Variants in XKR6 observed in about 807,000 individuals in gnomAD.
XKR6 encodes XK related 6, also known as XK-related protein 6.
XKR6 carries 22 observed loss-of-function variants against 56.7 expected under a neutral mutation model. The observed-to-expected ratio is 0.39, with a 90% CI of 0.28 to 0.55. The LOEUF is 0.55. XKR6 is among the 20% of genes least tolerant of loss of function. The probability of loss-of-function intolerance (pLI) is 0.66; values close to 1 mark genes in which losing one functional copy is unlikely to be tolerated. For missense variants in XKR6, 852 were observed against 889.0 expected (o/e 0.96, Z 0.53); for synonymous variants, 524 against 387.8 (o/e 1.35, Z -4.13).
chr8:11,016,373 C>G (rs1191103207), intron 1 of XKR6, among the ~76,000 whole-genome samples: 1 of 152,128 alleles, frequency 6.6e-6, no homozygotes. Flanking sequence ...GGGGAGTGTG[C>G]GCCGCGGGGA....
chr8:10,933,271 G>C (rs1801116650), intron 1 of XKR6, among the ~76,000 whole-genome samples: 1 of 101,330 alleles, frequency 9.9e-6, no homozygotes, highest in East Asian at 2.0e-4. Flanking sequence ...AAATTTGTTT[G>C]AGTTCATTGT....
chr8:11,095,849 T>C (rs1399580635), intron 1 of XKR6, among the ~76,000 whole-genome samples: 1 of 152,220 alleles, frequency 6.6e-6, no homozygotes, highest in Non-Finnish European at 1.5e-5. Context: ...AATTCATGGT[T>C]GTATGTTCCT....
chr8:11,005,847 T>C (rs1467557333), intron 1 of XKR6, among the ~76,000 whole-genome samples: 31 of 146,886 alleles, frequency 2.1e-4, no homozygotes, highest in East Asian at 9.7e-4. Context: ...TCTTTCTTTT[T>C]TTTTTTTTTT....
intron 1 of XKR6, chr8:11,002,467 G>A (rs1259499932): frequency 5.0e-6 from 2 of 403,424 alleles, no homozygotes; most frequent in African/African-American, 2.1e-5. Context: ...CCAGGAGAAG[G>A]CAGGAGAAAA....
intron 1 of XKR6, among the ~76,000 whole-genome samples, chr8:10,973,230 T>A (rs1195745834): frequency 6.6e-6 from 1 of 152,232 alleles, no homozygotes; most frequent in Non-Finnish European, 1.5e-5. Context: ...AACCCATCAC[T>A]AATGGGTCAT....
intron 1 of XKR6, chr8:11,129,083 T>C (rs1167039694): frequency 2.5e-6 from 1 of 399,064 alleles, no homozygotes; most frequent in Admixed American, 3.1e-5. Context: ...ATCCATGTAA[T>C]CAAGAGCCCA....
chr8:11,010,373 G>C (rs1378719425), intron 1 of XKR6, among the ~76,000 whole-genome samples: 1 of 152,146 alleles, frequency 6.6e-6, no homozygotes, highest in African/African-American at 2.4e-5. Context: ...AATAGTAATA[G>C]TAAAAACTGG....
intron 1 of XKR6, among the ~76,000 whole-genome samples, chr8:11,047,297 A>G (rs1162195724): frequency 1.3e-5 from 2 of 152,204 alleles, no homozygotes; most frequent in East Asian, 3.8e-4. Flanking sequence ...ACACCTCAAT[A>G]AAGCTGGGAG....
intron 1 of XKR6, among the ~76,000 whole-genome samples, chr8:11,147,020 T>C (rs1388004336): frequency 2.0e-5 from 3 of 151,940 alleles, no homozygotes; most frequent in African/African-American, 7.3e-5. Flanking sequence ...AGCCTGAAGC[T>C]AACAATACTG....
intron 1 of XKR6, among the ~76,000 whole-genome samples, chr8:10,982,374 A>T (rs1797755533): frequency 1.3e-5 from 2 of 152,222 alleles, no homozygotes; most frequent in South Asian, 2.1e-4. Flanking sequence ...AGGATAATGC[A>T]TTCAAAAATG....
At position 11,163,362 on chromosome 8, in the gene XKR6, G is replaced by T. The variant is rs550548119; in HGVS notation, c.764+37214C>A. 1.2e-4 allele frequency among the ~76,000 whole-genome samples: 19 copies of T among 152,062 alleles called. No homozygotes were observed. The East Asian group carries it at 3.7e-3, about 29-fold the overall frequency. ...TGAGTTCTAACAAATGATTACTGTTGCAGGGAAAATGTGACTGGCACATCA... is the reference window on the plus strand; with the variant it reads ...TGAGTTCTAACAAATGATTACTGTTTCAGGGAAAATGTGACTGGCACATCA... On this transcript the variant is annotated intron_variant, in intron 1 of 2. Coordinates refer to ENST00000416569, the MANE Select transcript of XKR6 (RefSeq NM_173683.4).
At chr8:11,139,135 A>C (rs1800551783) in intron 1 of XKR6, among the ~76,000 whole-genome samples, 1 of 152,214 alleles carries the variant, frequency 6.6e-6, no homozygotes, top group African/African-American at 2.4e-5. Flanking sequence ...TTAACAGGCA[A>C]TTTTACTCTC....
At chr8:10,922,449 T>C (rs910426885) in intron 2 of XKR6, among the ~76,000 whole-genome samples, 13 of 152,232 alleles carry the variant, frequency 8.5e-5, no homozygotes, top group African/African-American at 2.9e-4. Context: ...CCAGGCTCAG[T>C]GCTCACTTCC....
At chr8:10,995,567 G>A (rs554250548) in intron 1 of XKR6, among the ~76,000 whole-genome samples, 100 of 150,442 alleles carry the variant, frequency 6.6e-4, no homozygotes, top group Non-Finnish European at 1.2e-3. Flanking sequence ...ACACGCCTGT[G>A]GTCCCAGCTA....
intron 1 of XKR6, among the ~76,000 whole-genome samples, chr8:10,938,288 G>A (rs1488537558): frequency 2.6e-5 from 4 of 152,150 alleles, no homozygotes; most frequent in African/African-American, 9.7e-5. Context: ...CCACTGGCCT[G>A]CGCCCACTGT....
chr8:11,195,470 G>T (rs1803827244), intron 1 of XKR6, among the ~76,000 whole-genome samples: 2 of 152,048 alleles, frequency 1.3e-5, no homozygotes, highest in South Asian at 4.1e-4. Context: ...ATTCTCCTTT[G>T]CGAACTATCT....
intron 1 of XKR6, among the ~76,000 whole-genome samples, chr8:11,094,074 G>C (rs941639881): frequency 7.3e-6 from 1 of 137,470 alleles, no homozygotes; most frequent in Non-Finnish European, 1.5e-5. Context: ...GTGAGCCACC[G>C]CGCCCGGCCT....
At chr8:10,953,370 C>A (rs1438697787) in intron 1 of XKR6, among the ~76,000 whole-genome samples, 1 of 152,106 alleles carries the variant, frequency 6.6e-6, no homozygotes, top group Non-Finnish European at 1.5e-5. Context: ...CTGCTCCCAC[C>A]ATCTGAGATG....
chr8:10,994,741 G>A (rs1798071646), intron 1 of XKR6, among the ~76,000 whole-genome samples: 1 of 152,208 alleles, frequency 6.6e-6, no homozygotes, highest in Admixed American at 6.5e-5. Flanking sequence ...TATCGATGAG[G>A]AAACTAACTC....
Sources: allele counts gnomAD v4.1 joint callset (sites outside exome capture counted in the v4.1 genomes callset), GRCh38; gene constraint gnomAD v4.1.1; transcripts MANE v1.5; gene names NCBI Gene and HGNC (gene_info 2026-07-23, HGNC 2026-07-21).